The following ST3GAL1 variants were observed in gnomAD, a reference collection of about 807,000 sequenced individuals.
The protein encoded by ST3GAL1 is CMP-N-acetylneuraminate-beta-galactosamide-alpha-2,3-sialyltransferase 1.
In ST3GAL1, 16 loss-of-function variants were observed where a neutral mutation model predicts 34.1. That is an observed-to-expected ratio of 0.47 (90% CI 0.32 to 0.71). The LOEUF (loss-of-function observed/expected upper bound fraction) is 0.71, where lower values mean the gene tolerates loss of function less well. Among genes scored for constraint, ST3GAL1 ranks in the 30% least tolerant of loss-of-function variants. The pLI, the probability that ST3GAL1 is intolerant of heterozygous loss-of-function variation, is 0.04. For synonymous variants in ST3GAL1, 191 were observed against 184.7 expected (o/e 1.03, Z -0.28); for missense variants, 353 against 447.4 (o/e 0.79, Z 1.90).
intron 3 of ST3GAL1, among the ~76,000 whole-genome samples, chr8:133,490,228 G>A (rs896160612): frequency 5.3e-5 from 8 of 152,132 alleles, no homozygotes; most frequent in African/African-American, 1.9e-4. Context: ...GAGGCCCTTG[G>A]GTATCAGTGG....
intron 1 of ST3GAL1, among the ~76,000 whole-genome samples, chr8:133,559,035 T>TTGTGTGTGTG (rs34571050): frequency 7.2e-4 from 107 of 149,250 alleles, no homozygotes; most frequent in African/African-American, 2.6e-3. Flanking sequence ...GAGTGTGGTT[T>TTGTGTGTGTG]TGTGTGTGTG....
At chr8:133,560,521 G>A (rs528461816) in intron 1 of ST3GAL1, among the ~76,000 whole-genome samples, 1 of 152,320 alleles carries the variant, frequency 6.6e-6, no homozygotes, top group Admixed American at 6.5e-5. Context: ...GAAAGCACCA[G>A]GTGGAGAAAA....
intron 2 of ST3GAL1, among the ~76,000 whole-genome samples, chr8:133,540,766 T>C (rs1250196924): frequency 1.3e-5 from 1 of 75,638 alleles, no homozygotes; most frequent in African/African-American, 7.2e-5. Context: ...TATATAGACA[T>C]ATATATATAG....
intron 7 of ST3GAL1, 152 bp downstream of exon 7, chr8:133,464,626 G>C (rs556280165): frequency 2.0e-5 from 15 of 735,856 alleles, no homozygotes; most frequent in Non-Finnish European, 3.1e-5. Flanking sequence ...TAGTCGGGGA[G>C]GCGGCCACGG....
chr8:133,537,667 C>G (rs1212275610), intron 2 of ST3GAL1, among the ~76,000 whole-genome samples: 1 of 152,194 alleles, frequency 6.6e-6, no homozygotes, highest in Non-Finnish European at 1.5e-5. Context: ...CCCTCTACAG[C>G]TTGCACATCC....
At chr8:133,503,243 C>CT (rs1028980980) in intron 2 of ST3GAL1, among the ~76,000 whole-genome samples, 4 of 152,156 alleles carry the variant, frequency 2.6e-5, no homozygotes, top group Non-Finnish European at 4.4e-5. Flanking sequence ...CTAACGCCCC[C>CT]CAACAAACGT....
At chr8:133,539,158 G>A (rs567912392) in intron 2 of ST3GAL1, among the ~76,000 whole-genome samples, 13 of 152,270 alleles carry the variant, frequency 8.5e-5, no homozygotes, top group South Asian at 6.2e-4. Flanking sequence ...AGGTCAGCCC[G>A]CAGAACTTCA....
intron 3 of ST3GAL1, among the ~76,000 whole-genome samples, chr8:133,493,825 G>A (rs1234322971): frequency 3.4e-5 from 5 of 146,910 alleles, no homozygotes; most frequent in African/African-American, 1.0e-4. Context: ...CAGCCTGGGC[G>A]ACAGAGCAAG....
intron 6 of ST3GAL1, 125 bp from the exon 7 acceptor site, chr8:133,465,082 CCTT>C: frequency 1.1e-6 from 1 of 892,018 alleles, no homozygotes; most frequent in South Asian, 1.8e-5. Flanking sequence ...CCCCGGGCCT[CCTT>C]CTCCTCATCT....
rs1815478754 is a variant in ST3GAL1, at chr8:133,461,017, A to C, written c.849+858T>G. On this transcript the variant is annotated intron_variant, in intron 9 of 9. Transcript: ENST00000522652. This position sits in a 1 kb window ranked among gnomAD's most constrained non-coding sequence, Gnocchi z 4.7. ...GGCCAAATCGGTGGGACGATGGGAG[A>C]AAGGGCTCTTGAGCAGAACCTCAAG... Among the ~76,000 whole-genome samples the C allele has an allele frequency of 6.6e-6, 1 of 151,958 alleles. No homozygotes were observed. Among genetic ancestry groups the C allele is most frequent in the African/African-American group, 2.4e-5 (1 of 41,350 alleles).
rs566372909 is a variant in ST3GAL1, at chr8:133,548,929, C to T, written c.-581-3003G>A. On this transcript the variant is annotated intron_variant, in intron 1 of 9. Transcript: ENST00000522652. The stretch of plus-strand genomic sequence containing the variant: ...TGAATAAATGGGTGAACAGCCAGAT[C>T]AATCTCAGAGAATCCATCAGGATGT... Among the ~76,000 whole-genome samples the T allele has an allele frequency of 1.7e-4, 26 of 152,340 alleles. No individual in the cohort carries two copies. The Middle Eastern group carries it at 0.017, about 100-fold the overall frequency.
In ST3GAL1 at chr8:133,464,915, C is replaced by G. The variant is rs1046030479; in HGVS notation, c.546G>C (p.Gly182=). 3 of 1,613,942 alleles carry G rather than the reference C, an allele frequency of 1.9e-6. No individual in the cohort carries two copies. Among genetic ancestry groups the G allele is most frequent in the Non-Finnish European group, 2.5e-6 (3 of 1,179,928 alleles). Residue 182 remains glycine (G), a synonymous_variant, in exon 7 of 10, where the codon GGG becomes GGC. Transcript: ENST00000522652. ...ACACCAGATGGTGGGTGGTCTTGGT[C>G]CCAACATCAGCTTCAAACCCTGCCG... ...APTAGFEADV[G]TKTTHHLVYP...
intron 2 of ST3GAL1, among the ~76,000 whole-genome samples, chr8:133,506,717 G>A (rs1259989379): frequency 6.6e-6 from 1 of 151,946 alleles, no homozygotes; most frequent in African/African-American, 2.4e-5. Context: ...TCTGGGAGGC[G>A]GAGGTTGCAG....
rs79480182 is a variant in ST3GAL1, at chr8:133,461,082, G to A, written c.849+793C>T. On this transcript the variant is annotated intron_variant, in intron 9 of 9. Transcript: ENST00000522652. The surrounding 1 kb of genome is among the most constrained non-coding windows in gnomAD (Gnocchi z 4.7). The stretch of plus-strand genomic sequence containing the variant: ...CAGCTGGCTGGAGGTGGGTGGGGTG[G>A]GGAAATGACAGGGGCACCCATGTTT... Among the ~76,000 whole-genome samples the A allele has an allele frequency of 2.1e-3, 325 of 152,258 alleles. 1 individual carries two copies. The highest frequency in any genetic ancestry group is 7.5e-3 in the African/African-American group (310 of 41,546).
chr8:133,542,779 C>CAAAAAA (rs35321251), intron 2 of ST3GAL1, among the ~76,000 whole-genome samples: 3 of 85,502 alleles, frequency 3.5e-5, no homozygotes, highest in Non-Finnish European at 6.9e-5. Context: ...TCCTCCATCT[C>CAAAAAA]AAAAAAAAAA....
intron 1 of ST3GAL1, among the ~76,000 whole-genome samples, chr8:133,562,794 T>TTTCTTTCCTTCC (rs1274494149): frequency 3.7e-5 from 4 of 108,564 alleles, no homozygotes; most frequent in African/African-American, 1.5e-4. Context: ...TCTTTCTTTC[T>TTTCTTTCCTTCC]TTCCTTCCTT....
chr8:133,472,125 C>T (rs1261845540), intron 5 of ST3GAL1, among the ~76,000 whole-genome samples: 1 of 151,998 alleles, frequency 6.6e-6, no homozygotes, highest in Non-Finnish European at 1.5e-5. Flanking sequence ...GGTGCAGTCT[C>T]TTCACTTGCA....
At chr8:133,549,092 G>A (rs117716999) in intron 1 of ST3GAL1, among the ~76,000 whole-genome samples, 2,220 of 152,296 alleles carry the variant, frequency 0.015, 31 homozygotes, top group South Asian at 0.053. Flanking sequence ...TACTGCAACT[G>A]TTCTATGCCA....
At chr8:133,522,511 G>A (rs1018554337) in intron 2 of ST3GAL1, among the ~76,000 whole-genome samples, 5 of 152,182 alleles carry the variant, frequency 3.3e-5, no homozygotes, top group African/African-American at 1.2e-4. Flanking sequence ...CACACAGCCT[G>A]TGTGGGGCAG....
Sources: allele counts gnomAD v4.1 joint callset (sites outside exome capture counted in the v4.1 genomes callset), GRCh38; gene constraint gnomAD v4.1.1; non-coding constraint Gnocchi (gnomAD v3.1); transcripts MANE v1.5; gene names NCBI Gene and HGNC (gene_info 2026-07-23, HGNC 2026-07-21).